GPHN: variants seen among roughly 807,000 people sequenced by gnomAD.
GPHN encodes gephyrin.
A neutral mutation model predicts 95.5 loss-of-function variants in GPHN; 17 were observed. The observed-to-expected ratio is 0.18, with a 90% confidence interval of 0.12 to 0.27. The LOEUF is 0.27. Ranked by LOEUF, GPHN falls within the 10% of genes least tolerant of loss-of-function variation. The pLI is 1.00. For missense variants in GPHN, 660 were observed against 978.1 expected (o/e 0.67, Z 4.34); for synonymous variants, 320 against 322.5 (o/e 0.99, Z 0.08).
chr14:67,577,971 T>G, the GPHN span: 3 of 1,559,220 alleles, frequency 1.9e-6, no homozygotes, highest in Non-Finnish European at 2.6e-6. Context: ...CGTTGAGTTC[T>G]CTGAACCCAG....
the GPHN span, among the ~76,000 whole-genome samples, chr14:67,213,675 T>C: frequency 6.6e-6 from 1 of 152,160 alleles, no homozygotes; most frequent in Non-Finnish European, 1.5e-5. Flanking sequence ...TTTGGGTATA[T>C]ACCCAGTAAT....
chr14:67,452,156 A>T, the GPHN span, among the ~76,000 whole-genome samples: 6 of 152,122 alleles, frequency 3.9e-5, no homozygotes, highest in East Asian at 7.7e-4. Flanking sequence ...ACATGGTGAA[A>T]CCCTGTTTCT....
At chr14:67,441,934 A>G in the GPHN span, 2 of 153,852 alleles carry the variant, frequency 1.3e-5, no homozygotes, top group Non-Finnish European at 2.9e-5. Context: ...AGTTGGCTAT[A>G]AATATCTATC....
the GPHN span, chr14:67,586,899 C>T: frequency 6.5e-7 from 1 of 1,531,566 alleles, no homozygotes; most frequent in Non-Finnish European, 8.8e-7. Flanking sequence ...GCCCACACCA[C>T]TGGGCCTCTG....
At chr14:66,524,178 C>T (rs943099623) in intron 1 of GPHN, among the ~76,000 whole-genome samples, 2 of 151,862 alleles carry the variant, frequency 1.3e-5, no homozygotes, top group South Asian at 2.1e-4. Flanking sequence ...TTAAAGTACC[C>T]TAGTTAAAAA....
intron 1 of GPHN, among the ~76,000 whole-genome samples, chr14:66,618,314 G>A (rs1354451744): frequency 6.6e-6 from 1 of 152,104 alleles, no homozygotes; most frequent in Non-Finnish European, 1.5e-5. Context: ...CTGACCTCAG[G>A]TGATCCACCT....
chr14:67,004,107 A>G (rs1324318918), intron 9 of GPHN, among the ~76,000 whole-genome samples: 1 of 151,764 alleles, frequency 6.6e-6, no homozygotes, highest in African/African-American at 2.4e-5. Context: ...TTCATCATGA[A>G]TGTAAAAACA....
At chr14:67,199,510 T>A in the GPHN span, 1 of 1,612,978 alleles carries the variant, frequency 6.2e-7, no homozygotes, top group Non-Finnish European at 8.5e-7. Flanking sequence ...TTAATTTTGC[T>A]TCATTTGATG....
At chr14:66,527,870 AGT>A (rs2058753323) in intron 1 of GPHN, among the ~76,000 whole-genome samples, 1 of 151,990 alleles carries the variant, frequency 6.6e-6, no homozygotes, top group African/African-American at 2.4e-5. Flanking sequence ...TTTACTGAGG[AGT>A]GTTTTACTTC....
At chr14:67,309,139 T>C in the GPHN span, among the ~76,000 whole-genome samples, 1 of 152,208 alleles carries the variant, frequency 6.6e-6, no homozygotes, top group Non-Finnish European at 1.5e-5. Context: ...TGTTCTGATA[T>C]TATTATAGCA....
At chr14:66,917,719 CTTCT>C (rs1260386347) in intron 6 of GPHN, among the ~76,000 whole-genome samples, 1 of 152,108 alleles carries the variant, frequency 6.6e-6, no homozygotes, top group Non-Finnish European at 1.5e-5. Context: ...GTGTGTTTAA[CTTCT>C]TTCTTTATAT....
At chr14:66,670,859 A>G (rs1347493748) in intron 1 of GPHN, among the ~76,000 whole-genome samples, 2 of 152,250 alleles carry the variant, frequency 1.3e-5, no homozygotes, top group Non-Finnish European at 2.9e-5. Context: ...GCCAAGAGGC[A>G]AAATTGAGAA....
intron 9 of GPHN, among the ~76,000 whole-genome samples, chr14:67,014,887 G>C (rs1316123991): frequency 6.6e-6 from 1 of 152,074 alleles, no homozygotes; most frequent in Non-Finnish European, 1.5e-5. Flanking sequence ...AACGATTGTT[G>C]GTACCAAGAG....
the GPHN span, among the ~76,000 whole-genome samples, chr14:67,659,577 CAG>C: frequency 6.7e-6 from 1 of 150,040 alleles, no homozygotes. Context: ...CAAGGGGTAA[CAG>C]GAACTGGATG....
intron 1 of GPHN, among the ~76,000 whole-genome samples, chr14:66,649,295 C>G (rs142980006): frequency 0.031 from 4,704 of 151,966 alleles, 114 homozygotes; most frequent in Non-Finnish European, 0.044. Flanking sequence ...GATCACGCCA[C>G]TGCACTCCAA....
intron 1 of GPHN, among the ~76,000 whole-genome samples, chr14:66,527,085 G>C (rs1392093732): frequency 6.6e-6 from 1 of 152,164 alleles, no homozygotes; most frequent in Non-Finnish European, 1.5e-5. Context: ...GTAGAATTCA[G>C]CTGTGAATCC....
the GPHN span, chr14:67,201,760 T>C: frequency 3.2e-6 from 1 of 317,188 alleles, no homozygotes; most frequent in Non-Finnish European, 6.2e-6. Context: ...AAGTTATCAA[T>C]AGTGTGAGCT....
chr14:67,529,638 A>G, the GPHN span, among the ~76,000 whole-genome samples: 4 of 152,060 alleles, frequency 2.6e-5, no homozygotes, highest in Admixed American at 2.6e-4. Context: ...TGCATGTCCA[A>G]TCACTGCCTT....
Position 67,105,231 on chromosome 14 carries a change from T to G in GPHN, c.1293+4320T>G, listed in dbSNP as rs188498600. Reference sequence around the variant, plus strand: ...ATAATTTTAGTTCTTTTAAATTTGTTGAGACTTCTTTTGTGGCCTAATATG... The same window carrying G: ...ATAATTTTAGTTCTTTTAAATTTGTGGAGACTTCTTTTGTGGCCTAATATG... On this transcript the variant is annotated intron_variant, in intron 13 of 22. Transcript: ENST00000478722. 9.2e-5 allele frequency among the ~76,000 whole-genome samples: 14 copies of G among 152,254 alleles called. No homozygotes were observed. The East Asian group carries it at 2.7e-3, about 29-fold the overall frequency.
Sources: allele counts gnomAD v4.1 joint callset (sites outside exome capture counted in the v4.1 genomes callset), GRCh38; gene constraint gnomAD v4.1.1; transcripts MANE v1.5; gene names NCBI Gene and HGNC (gene_info 2026-07-23, HGNC 2026-07-21).